The following ANKLE2 variants were observed in gnomAD, a reference collection of about 807,000 sequenced individuals.
The protein encoded by ANKLE2 is ankyrin repeat and LEM domain containing 2.
A neutral mutation model predicts 84.2 loss-of-function variants in ANKLE2; 55 were observed. That is an observed-to-expected ratio of 0.65 (90% CI 0.53 to 0.82). The LOEUF (loss-of-function observed/expected upper bound fraction) is 0.82. ANKLE2 is among the 40% of genes least tolerant of loss of function. ANKLE2 has a pLI of 0.00. For missense variants in ANKLE2, 1,238 were observed against 1,201.9 expected (o/e 1.03, Z -0.44); for synonymous variants, 551 against 486.1 (o/e 1.13, Z -1.76).
Position 132,761,651 on chromosome 12 carries a change from G to T in ANKLE2, c.148C>A (p.Pro50Thr). The T allele has an allele frequency of 7.8e-7, 1 of 1,285,346 alleles. No homozygotes were observed. 79.6% of individuals were successfully genotyped at this position (1,285,346 alleles called of 1,614,324 possible). ...GGLGRSGTPV[P>T]PPSAAAAPAS... The stretch of plus-strand genomic sequence containing the variant: ...GGGGCGGCGGCCGCGCTTGGCGGAG[G>T]AACTGGGGTCCCGCTGCGGCCCAGA... Residue 50 changes from proline (P) to threonine (T), a missense_variant, in exon 1 of 13, where the codon CCT becomes ACT. This residue lies in a region of ANKLE2 where 422 missense variants were observed against 394.5 expected (regional missense o/e 1.07). Coordinates refer to ENST00000357997, the MANE Select transcript of ANKLE2 (RefSeq NM_015114.3).
intron 10 of ANKLE2, chr12:132,731,215 T>C (rs753224291): frequency 1.2e-4 from 19 of 152,236 alleles, no homozygotes; most frequent in Admixed American, 4.6e-4. Context: ...CTAATTAAAA[T>C]GTACATAGTC....
At chr12:132,757,889 AAGG>A (rs2044519649) in intron 1 of ANKLE2, 1 of 151,814 alleles carries the variant, frequency 6.6e-6, no homozygotes, top group South Asian at 2.1e-4. Context: ...GGGGCTGAGG[AAGG>A]AGGATAAATT....
At chr12:132,753,378 A>C (rs1393594137) in intron 2 of ANKLE2, among the ~76,000 whole-genome samples, 2 of 151,850 alleles carry the variant, frequency 1.3e-5, no homozygotes, top group Non-Finnish European at 2.9e-5. Context: ...GTGTGCCTGT[A>C]ATCTTAGCAC....
chr12:132,734,830 C>T, intron 9 of ANKLE2: 1 of 470,074 alleles, frequency 2.1e-6, no homozygotes, highest in South Asian at 2.6e-5. Context: ...AGGCCTCAGC[C>T]CGACAGACCC....
At position 132,736,518 on chromosome 12, in the gene ANKLE2, C is replaced by T. The variant is rs1470573658; in HGVS notation, c.1593+375G>A. 3.9e-5 allele frequency among the ~76,000 whole-genome samples: 6 copies of T among 152,298 alleles called. No individual in the cohort carries two copies. The South Asian group carries it at 8.3e-4, about 21-fold the overall frequency. On this transcript the variant is annotated intron_variant, in intron 8 of 12. Coordinates refer to ENST00000357997, the MANE Select transcript of ANKLE2 (RefSeq NM_015114.3). ...CAGGGAAACGTGGTCAGGAGGTGGA[C>T]GTGCAGATGGAGCTTTCCTAGTCAC...
At position 132,749,345 on chromosome 12, in the gene ANKLE2, G is replaced by A. The variant is rs143930155; in HGVS notation, c.848-1014C>T. Among the ~76,000 whole-genome samples, 11 of 151,624 alleles carry A rather than the reference G, an allele frequency of 7.3e-5. 1 individual carries two copies. The East Asian group carries it at 2.0e-3, about 27-fold the overall frequency. The stretch of plus-strand genomic sequence containing the variant: ...TAATTTTCGTATTTTTAATAGAGAC[G>A]GGGTTTCACCATGTAGGCCAGGCTG... On this transcript the variant is annotated intron_variant, in intron 3 of 12. Transcript: ENST00000357997.
intron 5 of ANKLE2, among the ~76,000 whole-genome samples, chr12:132,746,133 G>A (rs1187391750): frequency 6.6e-6 from 1 of 152,146 alleles, no homozygotes; most frequent in Non-Finnish European, 1.5e-5. Flanking sequence ...CCGATCACGA[G>A]GTCAGGAGAT....
chr12:132,752,433 GCT>G (rs2044377457), intron 2 of ANKLE2, among the ~76,000 whole-genome samples: 1 of 152,090 alleles, frequency 6.6e-6, no homozygotes, highest in Non-Finnish European at 1.5e-5. Flanking sequence ...ATGGAATCTA[GCT>G]CTGTCGCTCA....
At chr12:132,728,766 G>C (rs972131968) in intron 11 of ANKLE2, among the ~76,000 whole-genome samples, 2 of 152,200 alleles carry the variant, frequency 1.3e-5, no homozygotes, top group African/African-American at 4.8e-5. Flanking sequence ...CTCTATGGTA[G>C]CAGGATCCAC....
intron 10 of ANKLE2, chr12:132,734,117 C>T (rs957254168): frequency 4.3e-5 from 24 of 554,676 alleles, no homozygotes; most frequent in African/African-American, 1.7e-4. Flanking sequence ...TGGTGGCGGG[C>T]GCCTGTAGTC....
intron 10 of ANKLE2, 84 bp downstream of exon 10, chr12:132,734,301 C>A (rs7969633): frequency 7.1e-7 from 1 of 1,401,458 alleles, no homozygotes; most frequent in Admixed American, 2.3e-5. Context: ...CACCAAGAGA[C>A]GAGAAACAGA....
chr12:132,736,633 C>T (rs955017864), intron 8 of ANKLE2, among the ~76,000 whole-genome samples: 30 of 152,342 alleles, frequency 2.0e-4, no homozygotes, highest in African/African-American at 6.3e-4. Context: ...ACGGGGCTGG[C>T]CCAGGGAATG....
chr12:132,750,939 ACATCTGCTACCCAGTCGCCTG>A, intron 2 of ANKLE2, 90 bp from the exon 3 acceptor site: 2 of 1,161,898 alleles, frequency 1.7e-6, no homozygotes, highest in Non-Finnish European at 2.5e-6. Context: ...ATCAGCTTCC[ACATCTGCTACCCAGTCGCCTG>A]GCTTAGTTCA....
In ANKLE2 at chr12:132,729,977, C is replaced by G. The variant is rs370985412; in HGVS notation, c.2185G>C (p.Val729Leu). The G allele has an allele frequency of 5.0e-6, 8 of 1,613,338 alleles. No homozygotes were observed. Among genetic ancestry groups the G allele is most frequent in the Non-Finnish European group, 6.8e-6 (8 of 1,179,934 alleles). ...PRGEEAHLPP[V>L]SDLTVEFDKL... ...TCAAACTCAACAGTCAAATCCGAGACAGGTGGCAGATGGGCTTCCTCCCCA... is the reference window on the plus strand; with the variant it reads ...TCAAACTCAACAGTCAAATCCGAGAGAGGTGGCAGATGGGCTTCCTCCCCA... Residue 729 changes from valine to leucine, a missense_variant, in exon 11 of 13, where the codon GTC becomes CTC. Transcript: ENST00000357997.
rs747746964 is a variant in ANKLE2, at chr12:132,755,035, T to G, written c.280A>C (p.Ile94Leu). The G allele has an allele frequency of 6.2e-7, 1 of 1,614,048 alleles. No homozygotes were observed. Among genetic ancestry groups the G allele is most frequent in the African/African-American group, 1.3e-5 (1 of 74,926 alleles). ...IVKAGLKCGP[I>L]TSTTRFIFEK... ...AAAATGAACCTTGTAGTTGATGTAA[T>G]GGGTCCACATTTCAATCCGGCTTTG... Residue 94 changes from isoleucine (I) to leucine (L), a missense_variant, in exon 2 of 13, where the codon ATT (isoleucine) becomes CTT (leucine). By Grantham distance (5) the Ile-to-Leu change is conservative. Coordinates refer to ENST00000357997, the MANE Select transcript of ANKLE2 (RefSeq NM_015114.3).
intron 11 of ANKLE2, among the ~76,000 whole-genome samples, 172 bp from the exon 12 acceptor site, chr12:132,728,335 T>C (rs2043753856): frequency 6.6e-6 from 1 of 152,084 alleles, no homozygotes. Flanking sequence ...GTTCAAGCAA[T>C]TCTCTGCCTC....
Position 132,727,186 on chromosome 12 carries a change from CAT to C in ANKLE2, c.*54_*55del. ...TCCTTTTTGACAGTTTAGCAATAAA[CAT>C]ATGACCCTTCCTTCTTTAAAAATGA... On this transcript the variant is annotated 3_prime_UTR_variant, in exon 13 of 13. Transcript: ENST00000357997. 1 of 1,460,908 alleles carries C rather than the reference CAT, an allele frequency of 6.8e-7. No homozygotes were observed. The allele number at this position is 1,460,908 out of a possible 1,614,324, so 90.5% of individuals were successfully genotyped here.
At chr12:132,746,389 A>C in intron 5 of ANKLE2, among the ~76,000 whole-genome samples, 1 of 151,582 alleles carries the variant, frequency 6.6e-6, no homozygotes, top group East Asian at 1.9e-4. Context: ...GCCCATCAGA[A>C]TGTTGAAGCA....
chr12:132,751,125 T>C (rs2044346643), intron 2 of ANKLE2: 2 of 278,372 alleles, frequency 7.2e-6, no homozygotes, highest in Admixed American at 5.1e-5. Flanking sequence ...AAATTTCATA[T>C]AAAGATCTAA....
Sources: allele counts gnomAD v4.1 joint callset (sites outside exome capture counted in the v4.1 genomes callset), GRCh38; gene constraint gnomAD v4.1.1; regional missense constraint gnomAD v4.1.1; transcripts MANE v1.5; gene names NCBI Gene and HGNC (gene_info 2026-07-23, HGNC 2026-07-21).